CDH13: variants seen among roughly 807,000 people sequenced by gnomAD.
CDH13 encodes cadherin 13, also known as cadherin-13.
CDH13 carries 24 observed loss-of-function variants against 63.8 expected under a neutral mutation model. That is an observed-to-expected ratio of 0.38 (90% CI 0.27 to 0.53). The LOEUF is 0.53. Among genes scored for constraint, CDH13 ranks in the 20% least tolerant of loss-of-function variants. CDH13 has a pLI of 0.85. For missense variants in CDH13, 1,049 were observed against 903.1 expected, an observed-to-expected ratio of 1.16 and a Z score of -2.07; for synonymous variants, 503 against 355.3, an observed-to-expected ratio of 1.42 and a Z score of -4.67.
chr16:82,842,798 T>C (rs2039088572), intron 1 of CDH13, among the ~76,000 whole-genome samples: 1 of 152,154 alleles, frequency 6.6e-6, no homozygotes, highest in African/African-American at 2.4e-5. Context: ...TTCCTGCAAC[T>C]AGACAGTCTC....
intron 2 of CDH13, among the ~76,000 whole-genome samples, chr16:82,945,937 T>A (rs758991215): frequency 3.3e-5 from 5 of 152,180 alleles, no homozygotes; most frequent in African/African-American, 1.2e-4. Context: ...ATTTCCTCTG[T>A]GAATTCTTCT....
intron 1 of CDH13, among the ~76,000 whole-genome samples, chr16:82,679,586 C>T (rs989723055): frequency 6.6e-6 from 1 of 152,174 alleles, no homozygotes; most frequent in East Asian, 1.9e-4. Context: ...TGAACTCACT[C>T]ACGCTCCTGC....
At chr16:83,764,652 C>T (rs543691214) in intron 11 of CDH13, among the ~76,000 whole-genome samples, 1 of 151,234 alleles carries the variant, frequency 6.6e-6, no homozygotes, top group South Asian at 2.1e-4. Flanking sequence ...GCCCTTTACT[C>T]TTGCATCCTG....
At chr16:83,579,743 G>T (rs560649401) in intron 7 of CDH13, among the ~76,000 whole-genome samples, 2 of 152,032 alleles carry the variant, frequency 1.3e-5, no homozygotes, top group African/African-American at 4.8e-5. Context: ...CACAGCCCTT[G>T]ATAGGCTCAC....
At chr16:83,144,559 C>T (rs1035637165) in intron 4 of CDH13, among the ~76,000 whole-genome samples, 6 of 152,162 alleles carry the variant, frequency 3.9e-5, no homozygotes, top group Non-Finnish European at 1.5e-5. Flanking sequence ...ATAATAGATG[C>T]ACTGTATTTT....
At chr16:82,862,715 A>G (rs1040630696) in intron 2 of CDH13, among the ~76,000 whole-genome samples, 3 of 152,266 alleles carry the variant, frequency 2.0e-5, no homozygotes, top group East Asian at 1.9e-4. Context: ...TGCATTAACA[A>G]GAGCAGGCTA....
At chr16:82,678,252 G>T (rs1347061196) in intron 1 of CDH13, among the ~76,000 whole-genome samples, 1 of 150,702 alleles carries the variant, frequency 6.6e-6, no homozygotes, top group Non-Finnish European at 1.5e-5. Flanking sequence ...AAATAAACTA[G>T]AATAAATATA....
At chr16:82,807,100 T>C (rs1440217918) in intron 1 of CDH13, among the ~76,000 whole-genome samples, 1 of 151,972 alleles carries the variant, frequency 6.6e-6, no homozygotes, top group African/African-American at 2.4e-5. Flanking sequence ...TTTTTTTTTT[T>C]TTTCTTAAGA....
intron 5 of CDH13, among the ~76,000 whole-genome samples, chr16:83,268,646 C>T (rs2088698809): frequency 1.3e-5 from 2 of 152,140 alleles, no homozygotes; most frequent in Admixed American, 6.5e-5. Context: ...CAATGGGTGT[C>T]GCATCCTGGT....
intron 3 of CDH13, among the ~76,000 whole-genome samples, chr16:83,067,318 C>T (rs1213571015): frequency 1.3e-5 from 2 of 152,170 alleles, no homozygotes; most frequent in Non-Finnish European, 2.9e-5. Flanking sequence ...GGAATACCTA[C>T]TGTCTACTTG....
At chr16:83,115,197 T>A (rs1344432386) in intron 3 of CDH13, among the ~76,000 whole-genome samples, 1 of 152,134 alleles carries the variant, frequency 6.6e-6, no homozygotes, top group Non-Finnish European at 1.5e-5. Context: ...GGTTCTGGAG[T>A]TACAGAGGCC....
intron 1 of CDH13, chr16:82,829,428 G>A (rs1465832083): frequency 1.3e-5 from 2 of 152,064 alleles, no homozygotes; most frequent in African/African-American, 4.8e-5. Flanking sequence ...CAGGCTGGAG[G>A]GGCCAGTATT....
chr16:83,490,945 CA>C (rs2074000169), intron 7 of CDH13, among the ~76,000 whole-genome samples: 1 of 152,154 alleles, frequency 6.6e-6, no homozygotes. Context: ...TTCCCATTGC[CA>C]AATATAGCAC....
intron 8 of CDH13, among the ~76,000 whole-genome samples, chr16:83,659,570 G>A (rs1054153827): frequency 5.3e-5 from 8 of 152,208 alleles, no homozygotes; most frequent in South Asian, 4.1e-4. Flanking sequence ...TCAGAAATAC[G>A]TATGCCTGGG....
chr16:83,353,515 A>T (rs1050592043), intron 6 of CDH13, among the ~76,000 whole-genome samples: 1 of 152,274 alleles, frequency 6.6e-6, no homozygotes, highest in African/African-American at 2.4e-5. Context: ...TTATTCTGGT[A>T]GAAGAGTATC....
intron 5 of CDH13, among the ~76,000 whole-genome samples, chr16:83,281,421 T>C (rs1220492110): frequency 6.6e-6 from 1 of 152,226 alleles, no homozygotes; most frequent in Non-Finnish European, 1.5e-5. Flanking sequence ...AGTAGTTTGA[T>C]CTTTTATCCA....
At chr16:83,702,275 T>A (rs566940832) in intron 10 of CDH13, among the ~76,000 whole-genome samples, 1 of 152,120 alleles carries the variant, frequency 6.6e-6, no homozygotes, top group Non-Finnish European at 1.5e-5. Context: ...TAAGTAATAA[T>A]AGCTTCTGTG....
At chr16:83,726,240 CCT>C (rs1406021213) in intron 10 of CDH13, 1 of 152,192 alleles carries the variant, frequency 6.6e-6, no homozygotes, top group Non-Finnish European at 1.5e-5. Flanking sequence ...TTTCACATGA[CCT>C]CTGTTTTTTA....
intron 1 of CDH13, among the ~76,000 whole-genome samples, chr16:82,812,395 A>T (rs1261440315): frequency 6.6e-6 from 1 of 152,160 alleles, no homozygotes; most frequent in Non-Finnish European, 1.5e-5. Flanking sequence ...GGAAGCCTTG[A>T]GGAGTTCCAA....
Sources: gnomAD v4.1 joint callset for allele counts (sites outside exome capture counted in the v4.1 genomes callset) on GRCh38, gnomAD v4.1.1 for gene constraint, MANE v1.5 for transcripts, NCBI Gene and HGNC (gene_info 2026-07-23, HGNC 2026-07-21) for gene names.